CFAP46: variants seen among roughly 807,000 people sequenced by gnomAD.
The protein encoded by CFAP46 is cilia- and flagella-associated protein 46.
Under a neutral mutation model 325.7 loss-of-function variants are expected in CFAP46, and 245 were observed. That is an observed-to-expected ratio of 0.75 (90% CI 0.68 to 0.84). CFAP46 has a LOEUF of 0.84. CFAP46 is among the 40% of genes least tolerant of loss of function. The pLI is 0.00. For missense variants in CFAP46, 3,346 were observed against 3,543.0 expected, an observed-to-expected ratio of 0.94 and a Z score of 1.41; for synonymous variants, 1,523 against 1,495.9, an observed-to-expected ratio of 1.02 and a Z score of -0.42.
At position 132,920,666 on chromosome 10, in the gene CFAP46, C is replaced by T. The variant is rs150935996; in HGVS notation, c.1607-484G>A. The stretch of plus-strand genomic sequence containing the variant: ...TCCACACCCTGGGGGGCCTCCTGTG[C>T]ATGGGCGACCCCGGGGGCTGGGCCT... On this transcript the variant is annotated intron_variant, in intron 13 of 57. Transcript: ENST00000368586. Among the ~76,000 whole-genome samples, 1,113 of 152,354 alleles carry T rather than the reference C, an allele frequency of 7.3e-3. 19 individuals carry two copies. Among genetic ancestry groups the T allele is most frequent in the African/African-American group, 0.025 (1,049 of 41,584 alleles).
intron 50 of CFAP46, among the ~76,000 whole-genome samples, chr10:132,822,155 CTG>C (rs201128820): frequency 2.6e-5 from 3 of 113,768 alleles, no homozygotes; most frequent in Non-Finnish European, 5.1e-5. Context: ...CTGATGTGTG[CTG>C]TGTGCTGTGT....
Position 132,859,069 on chromosome 10 carries a change from AC to A in CFAP46, c.5375+1del. On this transcript the variant is annotated splice_donor_variant, in intron 38 of 57. Coordinates refer to ENST00000368586, the MANE Select transcript of CFAP46 (RefSeq NM_001200049.3). LOFTEE classifies it high-confidence loss of function. ...GTGCAGGGGTCGTGGAGGCAGCCTT[AC>A]CTCTTGATCTTCGCACGCTCTAGTT... 6.5e-7 allele frequency: 1 copy of A among 1,550,032 alleles called. No homozygotes were observed. The highest frequency in any genetic ancestry group is 1.4e-5 in the African/African-American group (1 of 73,110).
At chr10:132,818,558 AAG>A (rs764231628) in intron 50 of CFAP46, among the ~76,000 whole-genome samples, 47 of 152,294 alleles carry the variant, frequency 3.1e-4, no homozygotes, top group Non-Finnish European at 5.1e-4. Context: ...TCGGGAAAGA[AAG>A]AGAAATAACA....
At chr10:132,910,134 G>A (rs552393302) in intron 19 of CFAP46, 66 bp from the exon 20 acceptor site, 398 of 1,305,308 alleles carry the variant, frequency 3.0e-4, no homozygotes, top group Non-Finnish European at 3.7e-4. Context: ...GCCAAGATCC[G>A]AACCATTAAA....
In CFAP46 at chr10:132,827,751, C is replaced by G. The variant is rs1378580827; in HGVS notation, c.7117+5607G>C. On this transcript the variant is annotated intron_variant, in intron 50 of 57. Coordinates refer to ENST00000368586, the MANE Select transcript of CFAP46 (RefSeq NM_001200049.3). This position sits in a 1 kb window ranked among gnomAD's most constrained non-coding sequence, Gnocchi z 5.7. ...TGCCTGCAACCCTCCCTCCTGCACC[C>G]ACGACCCTCCCCCAACTTCTCCTGC... Among the ~76,000 whole-genome samples the G allele has an allele frequency of 1.3e-5, 2 of 152,114 alleles. No individual in the cohort carries two copies.
Position 132,938,761 on chromosome 10 carries a change from G to A in CFAP46, c.372-8C>T, listed in dbSNP as rs756635515. The A allele has an allele frequency of 3.4e-5, 55 of 1,609,378 alleles. No individual in the cohort carries two copies. Among genetic ancestry groups the A allele is most frequent in the Admixed American group, 5.0e-5 (3 of 59,892 alleles). ...TACACCAAAAAGTAGTACCTGCGGC[G>A]CGAGCAGAGGAAGCAGAGAGCACGC... On this transcript the variant is annotated splice_polypyrimidine_tract_variant and splice_region_variant and intron_variant, in intron 4 of 57. Transcript: ENST00000368586.
chr10:132,854,423 T>C (rs1294732590), intron 39 of CFAP46, among the ~76,000 whole-genome samples: 1 of 152,044 alleles, frequency 6.6e-6, no homozygotes, highest in Non-Finnish European at 1.5e-5. Context: ...TGCAAGCTCT[T>C]CCCCCCCAGG....
chr10:132,924,169 G>GTCT (rs1849770877), intron 11 of CFAP46, among the ~76,000 whole-genome samples: 1 of 152,040 alleles, frequency 6.6e-6, no homozygotes, highest in African/African-American at 2.4e-5. Flanking sequence ...CCCAGTACCT[G>GTCT]TCTCCTGCCT....
chr10:132,857,704 A>G lies in CFAP46; in HGVS notation c.5460T>C (p.Ala1820=). 1.2e-6 allele frequency: 2 copies of G among 1,613,158 alleles called. No homozygotes were observed. The highest frequency in any genetic ancestry group is 1.7e-6 in the Non-Finnish European group (2 of 1,179,696). Residue 1820 remains alanine (A), a synonymous_variant, in exon 39 of 58, where the codon GCT becomes GCC. Transcript: ENST00000368586. ...EAYGLAQGAV[A]EEEGRLHSIQ... Reference sequence around the variant, plus strand: ...TGCTGTGAAGCCTCCCTTCTTCCTCAGCTACGGCACCCTGGGCCAGGCCAT... The same window carrying G: ...TGCTGTGAAGCCTCCCTTCTTCCTCGGCTACGGCACCCTGGGCCAGGCCAT...
chr10:132,887,579 CCT>C (rs1453498037), intron 25 of CFAP46, among the ~76,000 whole-genome samples: 14 of 31,958 alleles, frequency 4.4e-4, no homozygotes, highest in African/African-American at 5.7e-4. Context: ...TCTCCTCTCC[CCT>C]CTTCTCTCCT....
intron 50 of CFAP46, among the ~76,000 whole-genome samples, chr10:132,821,486 T>C (rs1453396578): frequency 7.0e-6 from 1 of 143,180 alleles, no homozygotes; most frequent in Non-Finnish European, 1.5e-5. Flanking sequence ...GTGTGCTGTG[T>C]GAGTGCTGAT....
At chr10:132,848,466 C>G (rs538157779) in intron 41 of CFAP46, among the ~76,000 whole-genome samples, 1 of 152,000 alleles carries the variant, frequency 6.6e-6, no homozygotes, top group East Asian at 1.9e-4. Flanking sequence ...CCTTCGTTCT[C>G]CAGGTCATCA....
intron 8 of CFAP46, among the ~76,000 whole-genome samples, chr10:132,930,060 C>A (rs572557569): frequency 2.0e-5 from 3 of 152,148 alleles, no homozygotes; most frequent in Admixed American, 2.0e-4. Flanking sequence ...CCCTACTGGA[C>A]ACCCTGCTCC....
intron 33 of CFAP46, among the ~76,000 whole-genome samples, chr10:132,868,747 A>T (rs1258587357): frequency 3.3e-5 from 5 of 152,266 alleles, no homozygotes; most frequent in African/African-American, 1.2e-4. Context: ...ACGTAATTTT[A>T]AAAAGTATCT....
chr10:132,938,527 G>A (rs1397979141), intron 5 of CFAP46, 62 bp downstream of exon 5: 34 of 1,524,938 alleles, frequency 2.2e-5, no homozygotes, highest in African/African-American at 2.7e-5. Context: ...AAGGGGTGGT[G>A]GCCTCAGAGC....
At position 132,908,493 on chromosome 10, in the gene CFAP46, T is replaced by C; in HGVS notation, c.2899A>G (p.Ile967Val). 6.4e-7 allele frequency: 1 copy of C among 1,550,564 alleles called. No individual in the cohort carries two copies. Among genetic ancestry groups the C allele is most frequent in the South Asian group, 1.2e-5 (1 of 84,060 alleles). ...GGCCCAAATTTCTTCAGGTACTTGA[T>C]GCCCATCTCCAGAGCCCTGTGAGCA... is the stretch of plus-strand genomic sequence containing the variant. The part of the protein sequence containing the change: ...ACAHRALEMG[I>V]KYLKKFGPEE... The change falls in exon 22 of 58, where the codon ATC becomes GTC. Residue 967 changes from isoleucine to valine, a missense_variant. Transcript: ENST00000368586.
Position 132,939,241 on chromosome 10 carries a change from AAAG to A in CFAP46, c.372-491_372-489del, listed in dbSNP as rs1850061833. ...AGGCAGCCAAGACAGTAGTAGAGGA[AAAG>A]AAGGTCAGGAAGATGGAGGAGAAGG... On this transcript the variant is annotated intron_variant, in intron 4 of 57. Transcript: ENST00000368586. This position sits in a 1 kb window ranked among gnomAD's most constrained non-coding sequence, Gnocchi z 4.6. 6.6e-6 allele frequency among the ~76,000 whole-genome samples: 1 copy of A among 152,196 alleles called. No individual in the cohort carries two copies. Among genetic ancestry groups the A allele is most frequent in the African/African-American group, 2.4e-5 (1 of 41,442 alleles).
At chr10:132,933,284 T>C (rs1357483007) in intron 8 of CFAP46, among the ~76,000 whole-genome samples, 1 of 152,220 alleles carries the variant, frequency 6.6e-6, no homozygotes, top group Admixed American at 6.5e-5. Context: ...CTCTCCGTCC[T>C]ACCTGAGCTC....
chr10:132,929,276 C>G (rs1267754907), intron 9 of CFAP46: 2 of 586,226 alleles, frequency 3.4e-6, no homozygotes, highest in East Asian at 5.6e-5. Flanking sequence ...TGTGGCCTCT[C>G]CCTCAGAATA....
Sources: allele counts gnomAD v4.1 joint callset (sites outside exome capture counted in the v4.1 genomes callset), GRCh38; gene constraint gnomAD v4.1.1; non-coding constraint Gnocchi (gnomAD v3.1); transcripts MANE v1.5; gene names NCBI Gene and HGNC (gene_info 2026-07-23, HGNC 2026-07-21).